The following SLC5A1 variants were observed in gnomAD, a reference collection of about 807,000 sequenced individuals.
SLC5A1 encodes the protein solute carrier family 5 member 1, also known as sodium/glucose cotransporter 1.
In SLC5A1, 42 loss-of-function variants were observed where a neutral mutation model predicts 73.5. That is an observed-to-expected ratio of 0.57 (90% confidence interval 0.45 to 0.74). SLC5A1 has a LOEUF of 0.74. Among genes scored for constraint, SLC5A1 ranks in the 30% least tolerant of loss-of-function variants. The pLI is 0.00. For synonymous variants in SLC5A1, 300 were observed against 317.4 expected (o/e 0.95, Z 0.58); for missense variants, 634 against 855.4 (o/e 0.74, Z 3.23).
chr22:32,078,337 G>A (rs897184811), intron 5 of SLC5A1, among the ~76,000 whole-genome samples: 20 of 151,650 alleles, frequency 1.3e-4, no homozygotes, highest in Non-Finnish European at 2.1e-4. Context: ...GCACAATCTC[G>A]GCTCACTGCA....
chr22:32,067,136 A>C (rs1237667817), intron 3 of SLC5A1, 97 bp downstream of exon 3: 7 of 1,016,380 alleles, frequency 6.9e-6, no homozygotes, highest in Non-Finnish European at 1.1e-5. Context: ...ATGTTAGGGA[A>C]CCCTTCAGGG....
chr22:32,061,002 A>G (rs1345978763), intron 2 of SLC5A1, among the ~76,000 whole-genome samples: 2 of 152,186 alleles, frequency 1.3e-5, no homozygotes, highest in East Asian at 3.8e-4. Context: ...TTTGTTGGGC[A>G]TAAGAATCAC....
intron 2 of SLC5A1, among the ~76,000 whole-genome samples, chr22:32,053,670 G>GA (rs553227163): frequency 5.2e-4 from 79 of 151,912 alleles, no homozygotes; most frequent in East Asian, 2.1e-3. Context: ...TCTGTAGACA[G>GA]AAAAAAAATA....
In SLC5A1 at chr22:32,099,224, T is replaced by G; in HGVS notation, c.1322T>G (p.Val441Gly). The change falls in exon 12 of 15, where the codon GTG becomes GGG. Residue 441 changes from valine to glycine, a missense_variant. Physicochemically the swap from Val to Gly is moderately radical, Grantham distance 109 (BLOSUM62 -3). Coordinates refer to ENST00000266088, the MANE Select transcript of SLC5A1 (RefSeq NM_000343.4). ...CTGATTGGCATCAGCATCGCCTGGG[T>G]GCCCATTGTGCAGTCAGCACAAAGT... ...LVLIGISIAW[V>G]PIVQSAQSGQ... is the part of the protein sequence containing the mutation. 2 of 1,612,586 alleles carry G rather than the reference T, an allele frequency of 1.2e-6. No individual in the cohort carries two copies. Among genetic ancestry groups the G allele is most frequent in the Non-Finnish European group, 1.7e-6 (2 of 1,179,542 alleles).
intron 5 of SLC5A1, among the ~76,000 whole-genome samples, chr22:32,080,237 G>C (rs931511985): frequency 6.6e-6 from 1 of 152,116 alleles, no homozygotes; most frequent in African/African-American, 2.4e-5. Context: ...GGTGACATTG[G>C]GTCCCCTGGG....
intron 1 of SLC5A1, among the ~76,000 whole-genome samples, chr22:32,046,140 T>C (rs1249484765): frequency 6.6e-6 from 1 of 152,202 alleles, no homozygotes; most frequent in Non-Finnish European, 1.5e-5. Context: ...GCCCAACCTT[T>C]CTGTTTTACA....
At chr22:32,050,847 A>G (rs1418121650) in intron 2 of SLC5A1, among the ~76,000 whole-genome samples, 1 of 152,218 alleles carries the variant, frequency 6.6e-6, no homozygotes, top group Non-Finnish European at 1.5e-5. Flanking sequence ...GAGGCAAGCC[A>G]AGGCAACTCA....
chr22:32,064,977 T>C (rs775151063), intron 2 of SLC5A1, among the ~76,000 whole-genome samples: 3 of 152,184 alleles, frequency 2.0e-5, no homozygotes, highest in African/African-American at 4.8e-5. Flanking sequence ...AGGGTCTCAC[T>C]CTGTCACTTC....
intron 9 of SLC5A1, among the ~76,000 whole-genome samples, chr22:32,085,667 G>A (rs907445888): frequency 2.1e-5 from 3 of 144,784 alleles, no homozygotes; most frequent in Admixed American, 7.2e-5. Flanking sequence ...CACCCTGAAT[G>A]TTTCTTTGAT....
Position 32,084,479 on chromosome 22 carries a change from G to C in SLC5A1, c.705G>C (p.Lys235Asn). 6.2e-7 allele frequency: 1 copy of C among 1,614,228 alleles called. No individual in the cohort carries two copies. The highest frequency in any genetic ancestry group is 1.1e-5 in the South Asian group (1 of 91,088). The part of the protein sequence containing the change: ...EVGGYDAFME[K>N]YMKAIPTIVS... ...GAGGCTATGACGCCTTCATGGAAAA[G>C]TACATGAAAGCCATTCCAACCATAG... Residue 235 changes from lysine (K) to asparagine (N), a missense_variant, in exon 8 of 15, where the codon AAG becomes AAC. Coordinates refer to ENST00000266088, the MANE Select transcript of SLC5A1 (RefSeq NM_000343.4).
chr22:32,059,430 T>A, intron 2 of SLC5A1: 26 of 758,234 alleles, frequency 3.4e-5, no homozygotes, highest in Non-Finnish European at 3.5e-5. Context: ...GAGGGAAGTG[T>A]TTTTATAGAC....
chr22:32,099,484 T>TCCCTACAAACCCTCA, intron 12 of SLC5A1, 133 bp downstream of exon 12: 1 of 936,780 alleles, frequency 1.1e-6, no homozygotes, highest in Non-Finnish European at 1.7e-6. Flanking sequence ...GCTGAGGGTT[T>TCCCTACAAACCCTCA]GTAGGGAAAG....
intron 5 of SLC5A1, among the ~76,000 whole-genome samples, chr22:32,072,039 TC>T (rs1246742017): frequency 6.6e-6 from 1 of 152,194 alleles, no homozygotes; most frequent in Non-Finnish European, 1.5e-5. Flanking sequence ...TCCAATTTTT[TC>T]CCCAGCAGTA....
rs554434015 is a variant in SLC5A1 at position 32,052,726 on chromosome 22, T to G, written c.207+2712T>G. 3.3e-5 allele frequency among the ~76,000 whole-genome samples: 5 copies of G among 152,266 alleles called. No individual in the cohort carries two copies. The South Asian group carries it at 1.0e-3, about 32-fold the overall frequency. ...TAGGCCTACGCTTTTCTTAATTTTT[T>G]TTTTTTGGCCTCACAACACCAAGGC... On this transcript the variant is annotated intron_variant, in intron 2 of 14. Transcript: ENST00000266088.
Position 32,049,962 on chromosome 22 carries a change from G to A in SLC5A1, c.155G>A (p.Arg52His), listed in dbSNP as rs773674977. 18 of 1,614,090 alleles carry A rather than the reference G, an allele frequency of 1.1e-5. No homozygotes were observed. Among genetic ancestry groups the A allele is most frequent in the Admixed American group, 5.0e-5 (3 of 60,034 alleles). ...CCTCAGGCTATGTTTTCCACCAATCGTGGGACTGTTGGAGGCTTCTTCCTG... is the reference window on the plus strand; with the variant it reads ...CCTCAGGCTATGTTTTCCACCAATCATGGGACTGTTGGAGGCTTCTTCCTG... ...VGLWAMFSTNRGTVGGFFLAG... is the reference protein window; with the variant it reads ...VGLWAMFSTNHGTVGGFFLAG... Residue 52 changes from arginine (R) to histidine (H), a missense_variant, in exon 2 of 15, where the codon CGT becomes CAT. Transcript: ENST00000266088.
intron 10 of SLC5A1, among the ~76,000 whole-genome samples, chr22:32,090,816 A>G (rs1483731976): frequency 6.6e-6 from 1 of 151,926 alleles, no homozygotes; most frequent in Non-Finnish European, 1.5e-5. Context: ...GACCCAGACT[A>G]TTTTCTGCAG....
intron 5 of SLC5A1, among the ~76,000 whole-genome samples, chr22:32,081,071 G>C (rs961091260): frequency 6.6e-6 from 1 of 152,118 alleles, no homozygotes. Flanking sequence ...GAGATGACAT[G>C]AACATGCATT....
At chr22:32,089,453 TA>T (rs2094013492) in intron 10 of SLC5A1, among the ~76,000 whole-genome samples, 1 of 152,240 alleles carries the variant, frequency 6.6e-6, no homozygotes, top group Non-Finnish European at 1.5e-5. Context: ...GACTCAGATC[TA>T]ACCAGCTGAA....
chr22:32,109,154 A>G (rs762383283), intron 14 of SLC5A1, among the ~76,000 whole-genome samples: 1 of 152,174 alleles, frequency 6.6e-6, no homozygotes, highest in Non-Finnish European at 1.5e-5. Flanking sequence ...AGCCTGGGCA[A>G]CAGAGCAAGA....
Sources: allele counts gnomAD v4.1 joint callset (sites outside exome capture counted in the v4.1 genomes callset), GRCh38; gene constraint gnomAD v4.1.1; transcripts MANE v1.5; gene names NCBI Gene and HGNC (gene_info 2026-07-23, HGNC 2026-07-21).